Variants in ERC2 observed in about 807,000 individuals in gnomAD.
The protein encoded by ERC2 is ELKS/RAB6-interacting/CAST family member 2.
In ERC2, 42 loss-of-function variants were observed where a neutral mutation model predicts 114.8. The ratio of observed to expected loss-of-function variants is 0.37; its 90% CI spans 0.29 to 0.47. The LOEUF is 0.47. Ranked by LOEUF, ERC2 falls within the 20% of genes least tolerant of loss-of-function variation. The pLI is 0.99. For missense variants in ERC2, 939 were observed against 1,150.7 expected (o/e 0.82, Z 2.66); for synonymous variants, 454 against 425.5 (o/e 1.07, Z -0.82).
chr3:56,184,191 C>A (rs938023122), intron 3 of ERC2, among the ~76,000 whole-genome samples: 1 of 152,004 alleles, frequency 6.6e-6, no homozygotes, highest in African/African-American at 2.4e-5. Context: ...GTCCTGGAAA[C>A]CACAGAAATT....
chr3:55,669,976 G>A (rs566743425), intron 17 of ERC2, among the ~76,000 whole-genome samples: 42 of 152,238 alleles, frequency 2.8e-4, no homozygotes, highest in Non-Finnish European at 5.1e-4. Flanking sequence ...TCAATGTAGA[G>A]TAGGTAGTGG....
chr3:55,767,113 A>G (rs2067853026), intron 14 of ERC2, among the ~76,000 whole-genome samples: 1 of 152,234 alleles, frequency 6.6e-6, no homozygotes, highest in Non-Finnish European at 1.5e-5. Context: ...TGCTGCATTC[A>G]TGGATTTATG....
At chr3:56,458,948 T>C (rs910659531) in intron 1 of ERC2, among the ~76,000 whole-genome samples, 17 of 152,152 alleles carry the variant, frequency 1.1e-4, no homozygotes, top group African/African-American at 3.9e-4. Flanking sequence ...AAACGGAGCA[T>C]GGCTAATCTG....
At chr3:55,887,515 A>T (rs1347802287) in intron 14 of ERC2, among the ~76,000 whole-genome samples, 1 of 152,200 alleles carries the variant, frequency 6.6e-6, no homozygotes, top group African/African-American at 2.4e-5. Flanking sequence ...CTTACTGTGG[A>T]GGGAAGTTAG....
chr3:56,358,457 T>A (rs141178208), intron 2 of ERC2, among the ~76,000 whole-genome samples: 184 of 152,130 alleles, frequency 1.2e-3, no homozygotes, highest in African/African-American at 3.9e-3. Context: ...GTCTTCTGAG[T>A]TTTTTTTAGG....
At chr3:55,601,341 C>T (rs758663608) in intron 17 of ERC2, among the ~76,000 whole-genome samples, 1 of 152,150 alleles carries the variant, frequency 6.6e-6, no homozygotes, top group Non-Finnish European at 1.5e-5. Context: ...ACAGAAATTG[C>T]CCTTTTATTT....
At chr3:56,162,034 T>A (rs2082076164) in intron 4 of ERC2, among the ~76,000 whole-genome samples, 1 of 152,156 alleles carries the variant, frequency 6.6e-6, no homozygotes, top group African/African-American at 2.4e-5. Context: ...CATAGATGGC[T>A]CTTATTATTT....
intron 15 of ERC2, among the ~76,000 whole-genome samples, chr3:55,700,693 A>G (rs1559518783): frequency 6.6e-6 from 1 of 152,098 alleles, no homozygotes; most frequent in Non-Finnish European, 1.5e-5. Flanking sequence ...TGGCTAACTC[A>G]AACTATTTAA....
chr3:56,344,808 T>C (rs1311749629), intron 2 of ERC2, among the ~76,000 whole-genome samples: 1 of 152,220 alleles, frequency 6.6e-6, no homozygotes, highest in East Asian at 1.9e-4. Context: ...GTTTATCTTC[T>C]ATTCACCATT....
chr3:55,896,329 C>T (rs933491384), intron 13 of ERC2, among the ~76,000 whole-genome samples: 1 of 152,224 alleles, frequency 6.6e-6, no homozygotes, highest in Non-Finnish European at 1.5e-5. Flanking sequence ...TGGCTGGCCT[C>T]CCTAAGGCAA....
chr3:55,535,810 A>T (rs2053962643), intron 17 of ERC2, among the ~76,000 whole-genome samples: 1 of 152,204 alleles, frequency 6.6e-6, no homozygotes, highest in African/African-American at 2.4e-5. Context: ...CCTGGCCAAC[A>T]TGGCGAAATT....
At chr3:56,431,162 C>G (rs893576596) in intron 2 of ERC2, among the ~76,000 whole-genome samples, 4 of 152,228 alleles carry the variant, frequency 2.6e-5, no homozygotes, top group African/African-American at 7.2e-5. Context: ...TGGCCCTCAA[C>G]AAATGTCTAC....
chr3:56,043,705 T>A (rs1046774059), intron 7 of ERC2, among the ~76,000 whole-genome samples: 1 of 152,212 alleles, frequency 6.6e-6, no homozygotes, highest in Non-Finnish European at 1.5e-5. Flanking sequence ...TTCTACCCTC[T>A]AACTCTATTC....
chr3:55,599,746 AT>A (rs1378137662), intron 17 of ERC2, among the ~76,000 whole-genome samples: 1 of 152,244 alleles, frequency 6.6e-6, no homozygotes, highest in African/African-American at 2.4e-5. Flanking sequence ...TAACATTTTG[AT>A]CAGGTTGAAG....
chr3:56,195,492 C>CGTGTGTGCGT (rs1553873401), intron 3 of ERC2, among the ~76,000 whole-genome samples: 30 of 60,618 alleles, frequency 4.9e-4, no homozygotes, highest in African/African-American at 1.1e-3. Flanking sequence ...TTTGTGTGTG[C>CGTGTGTGCGT]GTGTGTGCGT....
At chr3:55,673,386 C>G (rs946202872) in intron 17 of ERC2, among the ~76,000 whole-genome samples, 1 of 152,104 alleles carries the variant, frequency 6.6e-6, no homozygotes, top group Non-Finnish European at 1.5e-5. Flanking sequence ...AGATTGAGAC[C>G]ATCCTGGCCA....
intron 7 of ERC2, among the ~76,000 whole-genome samples, chr3:56,079,125 T>G (rs139783720): frequency 8.3e-4 from 126 of 152,116 alleles, no homozygotes; most frequent in African/African-American, 2.8e-3. Flanking sequence ...ACAGGTAATT[T>G]TAAGCTTTCT....
At position 56,398,412 on chromosome 3, in the gene ERC2, C is replaced by T. The variant is rs373763389; in HGVS notation, c.657+35939G>A. Among the ~76,000 whole-genome samples, 10 of 152,182 alleles carry T rather than the reference C, an allele frequency of 6.6e-5. No individual in the cohort carries two copies. In the South Asian group the frequency reaches 1.2e-3, roughly 19 times the overall value. On this transcript the variant is annotated intron_variant, in intron 2 of 17. Transcript: ENST00000288221. ...GCCAGATAAAATACAGAACACCCAA[C>T]GATATTAGAATTTCAGATAAACAAC...
chr3:55,545,448 C>T (rs2054675708), intron 17 of ERC2, among the ~76,000 whole-genome samples: 1 of 152,168 alleles, frequency 6.6e-6, no homozygotes, highest in African/African-American at 2.4e-5. Context: ...GGCTGCTGTG[C>T]GTCGGATCAC....
Sources: gnomAD v4.1 joint callset for allele counts (sites outside exome capture counted in the v4.1 genomes callset) on GRCh38, gnomAD v4.1.1 for gene constraint, MANE v1.5 for transcripts, NCBI Gene and HGNC (gene_info 2026-07-23, HGNC 2026-07-21) for gene names.